Variants in CNOT2 observed in about 807,000 individuals in gnomAD.
CNOT2 encodes CCR4-NOT transcription complex subunit 2, also known as CC chemokine receptor 4-negative regulator of transcription 2.
A neutral mutation model predicts 72.1 loss-of-function variants in CNOT2; 7 were observed. The ratio of observed to expected loss-of-function variants is 0.10; its 90% CI spans 0.06 to 0.18. CNOT2 has a LOEUF of 0.18. CNOT2 is among the 10% of genes least tolerant of loss of function. CNOT2 has a pLI of 1.00. For missense variants in CNOT2, 345 were observed against 660.3 expected (o/e 0.52, Z 5.23); for synonymous variants, 196 against 225.6 (o/e 0.87, Z 1.17).
intron 11 of CNOT2, 159 bp from the exon 12 acceptor site, chr12:70,341,948 A>C (rs1881568118): frequency 3.1e-6 from 2 of 640,720 alleles, no homozygotes; most frequent in East Asian, 5.4e-5. Flanking sequence ...ACACAAACAC[A>C]CACAGTCTTC....
intron 1 of CNOT2, among the ~76,000 whole-genome samples, chr12:70,268,868 G>A (rs1959167635): frequency 6.6e-6 from 1 of 152,080 alleles, no homozygotes; most frequent in Admixed American, 6.5e-5. Context: ...ATGGCATTTG[G>A]AATGTTTATA....
intron 2 of CNOT2, among the ~76,000 whole-genome samples, chr12:70,288,094 C>T (rs1463365376): frequency 6.9e-6 from 1 of 145,032 alleles, no homozygotes; most frequent in Non-Finnish European, 1.5e-5. Context: ...AGATTTTTTG[C>T]TGTCCTCTTT....
At chr12:70,271,745 T>G (rs979779940) in intron 1 of CNOT2, among the ~76,000 whole-genome samples, 8 of 152,146 alleles carry the variant, frequency 5.3e-5, no homozygotes, top group Admixed American at 2.6e-4. Context: ...TAGAAGGGCT[T>G]TTAGAGTGTC....
At chr12:70,265,039 T>C (rs186884567) in intron 1 of CNOT2, among the ~76,000 whole-genome samples, 2 of 152,278 alleles carry the variant, frequency 1.3e-5, no homozygotes, top group Admixed American at 1.3e-4. Context: ...TTTGATTTGC[T>C]AATATTTTGT....
intron 1 of CNOT2, among the ~76,000 whole-genome samples, chr12:70,265,337 T>C (rs1039112755): frequency 1.4e-5 from 2 of 145,078 alleles, no homozygotes; most frequent in Admixed American, 7.0e-5. Flanking sequence ...TTCTTTCTTT[T>C]TTCTTTCTTT....
intron 2 of CNOT2, among the ~76,000 whole-genome samples, chr12:70,305,527 T>C (rs1875128998): frequency 6.6e-6 from 1 of 152,178 alleles, no homozygotes; most frequent in Admixed American, 6.5e-5. Context: ...TCAATAAATA[T>C]ATAGGGTTGG....
In CNOT2 at chr12:70,337,468, C is replaced by T; in HGVS notation, c.855C>T (p.Gly285=). The change falls in exon 9 of 16, where the codon GGC becomes GGT. Residue 285 remains glycine (G), a synonymous_variant. Coordinates refer to ENST00000229195, the MANE Select transcript of CNOT2 (RefSeq NM_014515.7). ...ATGAAGATTTTCCAGCATTACCAGG[C>T]TCCAGCTATAAAGATCCAACATCAA... ...IHNEDFPALP[G]SSYKDPTSSN... 1 of 1,611,394 alleles carries T rather than the reference C, an allele frequency of 6.2e-7. No homozygotes were observed. The highest frequency in any genetic ancestry group is 1.3e-5 in the African/African-American group (1 of 74,926).
At chr12:70,247,874 G>T (rs971068501) in intron 1 of CNOT2, among the ~76,000 whole-genome samples, 1 of 152,208 alleles carries the variant, frequency 6.6e-6, no homozygotes, top group Non-Finnish European at 1.5e-5. Context: ...TGGAAAAGTG[G>T]TGGGGAGAAT....
At chr12:70,312,535 A>G (rs1001531689) in intron 3 of CNOT2, among the ~76,000 whole-genome samples, 3 of 152,012 alleles carry the variant, frequency 2.0e-5, no homozygotes, top group African/African-American at 7.2e-5. Flanking sequence ...CAGAATTAGT[A>G]TATATACTTA....
intron 1 of CNOT2, among the ~76,000 whole-genome samples, chr12:70,261,144 GGTT>G (rs965907758): frequency 6.6e-5 from 10 of 151,304 alleles, no homozygotes; most frequent in East Asian, 1.9e-4. Context: ...ATGATCATGT[GGTT>G]GTTCTAATAT....
At chr12:70,308,179 A>C (rs565714369) in intron 2 of CNOT2, among the ~76,000 whole-genome samples, 1 of 152,152 alleles carries the variant, frequency 6.6e-6, no homozygotes, top group South Asian at 2.1e-4. Context: ...TTTTCATCTC[A>C]GTTTTATGTT....
At chr12:70,293,236 A>C (rs788376) in intron 2 of CNOT2, among the ~76,000 whole-genome samples, 111,087 of 151,032 alleles carry the variant, frequency 0.74, 41,635 homozygotes, top group East Asian at 0.94. Flanking sequence ...TCTAAACTCA[A>C]TGCACCCTCT....
At chr12:70,300,391 T>G (rs1464665454) in intron 2 of CNOT2, among the ~76,000 whole-genome samples, 1 of 152,238 alleles carries the variant, frequency 6.6e-6, no homozygotes, top group Non-Finnish European at 1.5e-5. Context: ...TGAATTAATT[T>G]TTGTATAAGG....
intron 2 of CNOT2, among the ~76,000 whole-genome samples, chr12:70,299,242 C>A (rs1306634262): frequency 4.1e-4 from 63 of 151,870 alleles, no homozygotes; most frequent in African/African-American, 1.4e-3. Context: ...TATTATTATA[C>A]TTTAAGTTTT....
At chr12:70,247,610 C>G (rs147763186) in intron 1 of CNOT2, among the ~76,000 whole-genome samples, 6 of 152,266 alleles carry the variant, frequency 3.9e-5, no homozygotes, top group Non-Finnish European at 8.8e-5. Flanking sequence ...TCCTGACTCC[C>G]CAAATCCTTT....
At chr12:70,247,344 C>G (rs1309960832) in intron 1 of CNOT2, among the ~76,000 whole-genome samples, 3 of 151,902 alleles carry the variant, frequency 2.0e-5, no homozygotes, top group Non-Finnish European at 4.4e-5. Context: ...TCAGTAGAGA[C>G]AGGGTTTCAC....
chr12:70,321,631 TATTA>T (rs1238739641), intron 4 of CNOT2: 5 of 151,916 alleles, frequency 3.3e-5, no homozygotes, highest in Non-Finnish European at 7.4e-5. Context: ...TGAGTACCAC[TATTA>T]ATTCTGTTCA....
chr12:70,245,433 G>A (rs142764927), intron 1 of CNOT2, among the ~76,000 whole-genome samples: 171 of 151,902 alleles, frequency 1.1e-3, no homozygotes, highest in African/African-American at 3.4e-3. Context: ...AGTTTTTTTT[G>A]CATCTTGATT....
intron 1 of CNOT2, among the ~76,000 whole-genome samples, chr12:70,252,015 C>G (rs1958162296): frequency 1.3e-5 from 2 of 152,162 alleles, no homozygotes; most frequent in African/African-American, 4.8e-5. Context: ...GCTTATTTTA[C>G]AATGCTATGA....
Sources: gnomAD v4.1 joint callset for allele counts (sites outside exome capture counted in the v4.1 genomes callset) on GRCh38, gnomAD v4.1.1 for gene constraint, MANE v1.5 for transcripts, NCBI Gene and HGNC (gene_info 2026-07-23, HGNC 2026-07-21) for gene names.